The following TNN variants were observed in gnomAD, a reference collection of about 807,000 sequenced individuals.
TNN encodes the protein tenascin N.
A neutral mutation model predicts 134.4 loss-of-function variants in TNN; 122 were observed. The ratio of observed to expected loss-of-function variants is 0.91; its 90% CI spans 0.78 to 1.06. TNN has a LOEUF of 1.06. TNN is among the 50% of genes least tolerant of loss of function. The pLI, the probability that TNN is intolerant of heterozygous loss-of-function variation, is 0.00. For synonymous variants in TNN, 710 were observed against 670.3 expected (o/e 1.06, Z -0.91); for missense variants, 1,739 against 1,699.4 (o/e 1.02, Z -0.41).
At chr1:175,128,250 T>C in intron 14 of TNN, 86 bp downstream of exon 14, 2 of 1,265,076 alleles carry the variant, frequency 1.6e-6, no homozygotes, top group Non-Finnish European at 2.2e-6. Flanking sequence ...GAGGAGCAAG[T>C]GGATGCAGAA....
At chr1:175,117,839 A>G (rs1249014917) in intron 10 of TNN, among the ~76,000 whole-genome samples, 1 of 152,204 alleles carries the variant, frequency 6.6e-6, no homozygotes, top group East Asian at 1.9e-4. Flanking sequence ...TGAATAGCAG[A>G]GTGTACGTTG....
At chr1:175,097,316 T>G in intron 7 of TNN, 101 bp from the exon 8 acceptor site, 1 of 1,453,426 alleles carries the variant, frequency 6.9e-7, no homozygotes, top group Non-Finnish European at 9.4e-7. Context: ...TATTAGAGAC[T>G]CTGACATTTG....
rs373372907 is a variant in TNN at position 175,108,151 on chromosome 1, G to C, written c.2120-8788G>C. ...CCTCACCAGAGCAGCTAGATACGGA[G>C]TGTTGATTGGTGCACTCACAAACCT... On this transcript the variant is annotated intron_variant, in intron 9 of 18. Transcript: ENST00000239462. Among the ~76,000 whole-genome samples, 39 of 152,172 alleles carry C rather than the reference G, an allele frequency of 2.6e-4. No individual in the cohort carries two copies. In the South Asian group the frequency reaches 8.1e-3, roughly 32 times the overall value.
intron 18 of TNN, 119 bp downstream of exon 18, chr1:175,144,669 T>G: frequency 9.0e-7 from 1 of 1,111,930 alleles, no homozygotes; most frequent in Non-Finnish European, 1.3e-6. Context: ...GTCAAAGCAG[T>G]AGAGCTTCTC....
intron 15 of TNN, among the ~76,000 whole-genome samples, chr1:175,129,376 C>A (rs1675619864): frequency 6.6e-6 from 1 of 151,944 alleles, no homozygotes; most frequent in African/African-American, 2.4e-5. Flanking sequence ...CCAGCAAGTC[C>A]CAGCCTCATT....
chr1:175,105,750 T>C (rs1674833724), intron 9 of TNN, among the ~76,000 whole-genome samples: 1 of 145,344 alleles, frequency 6.9e-6, no homozygotes, highest in African/African-American at 2.5e-5. Context: ...TCCCAATGGC[T>C]TAGGATGCAT....
chr1:175,134,943 T>A (rs1434943731), intron 15 of TNN, among the ~76,000 whole-genome samples: 1 of 152,184 alleles, frequency 6.6e-6, no homozygotes, highest in Non-Finnish European at 1.5e-5. Context: ...TCCAGCGCTC[T>A]TACCTGGACC....
At chr1:175,142,527 G>A (rs1014368570) in intron 17 of TNN, among the ~76,000 whole-genome samples, 1 of 152,236 alleles carries the variant, frequency 6.6e-6, no homozygotes, top group East Asian at 1.9e-4. Context: ...ATCATCGGAA[G>A]GGCTTGTCAA....
chr1:175,103,349 T>C (rs1010694765), intron 9 of TNN, among the ~76,000 whole-genome samples: 2 of 146,398 alleles, frequency 1.4e-5, no homozygotes, highest in Non-Finnish European at 3.0e-5. Flanking sequence ...GAAGGTGTAG[T>C]GTCCTCCTTT....
chr1:175,131,917 T>TACTCACACAC (rs752118880), intron 15 of TNN, among the ~76,000 whole-genome samples: 4 of 136,338 alleles, frequency 2.9e-5, no homozygotes, highest in African/African-American at 1.1e-4. Flanking sequence ...GAAGTATTAT[T>TACTCACACAC]ACACACACAC....
At chr1:175,119,627 G>GC (rs1675291139) in intron 11 of TNN, among the ~76,000 whole-genome samples, 1 of 132,692 alleles carries the variant, frequency 7.5e-6, no homozygotes, top group African/African-American at 3.0e-5. Flanking sequence ...TCCCATGAAT[G>GC]CCTTTTTTTT....
At chr1:175,081,344 G>A (rs906855770) in intron 4 of TNN, among the ~76,000 whole-genome samples, 26 of 152,212 alleles carry the variant, frequency 1.7e-4, no homozygotes, top group African/African-American at 5.1e-4. Context: ...TTGGAGAAAC[G>A]TAGTTGGTTG....
chr1:175,079,701 G>A lies in TNN; in HGVS notation c.778G>A (p.Ala260Thr). Residue 260 changes from alanine to threonine, a missense_variant, in exon 3 of 19, where the codon GCC (alanine) becomes ACC (threonine). Coordinates refer to ENST00000239462, the MANE Select transcript of TNN (RefSeq NM_022093.2). ...GGAGGGCTTCACAGGCCTGGACTGT[G>A]CCCAGGGTGAGAGCGGAGATGTGCC... The part of the protein sequence containing the change: ...CEEGFTGLDC[A>T]QVVTPQGLQL... The A allele has an allele frequency of 1.9e-6, 3 of 1,591,964 alleles. No individual in the cohort carries two copies. Among genetic ancestry groups the A allele is most frequent in the Non-Finnish European group, 2.6e-6 (3 of 1,166,618 alleles).
chr1:175,069,831 A>G (rs1345613492), intron 1 of TNN, among the ~76,000 whole-genome samples: 1 of 152,208 alleles, frequency 6.6e-6, no homozygotes. Flanking sequence ...AACAGTGCAA[A>G]TGCTTGGAAA....
At chr1:175,082,146 T>C (rs1321491561) in intron 4 of TNN, among the ~76,000 whole-genome samples, 13 of 152,184 alleles carry the variant, frequency 8.5e-5, no homozygotes, top group South Asian at 2.1e-4. Context: ...AGAGTCTGCT[T>C]TTCTCTTTTT....
chr1:175,137,196 G>A (rs930597110), intron 17 of TNN, among the ~76,000 whole-genome samples: 19 of 152,074 alleles, frequency 1.2e-4, no homozygotes, highest in African/African-American at 4.3e-4. Flanking sequence ...TTGGAATTTT[G>A]TATGTTATAT....
intron 4 of TNN, among the ~76,000 whole-genome samples, chr1:175,080,826 A>G (rs1352313681): frequency 1.3e-5 from 2 of 152,236 alleles, no homozygotes; most frequent in Admixed American, 6.5e-5. Flanking sequence ...TGGGAAAGAC[A>G]GGACACAAAT....
chr1:175,089,110 A>G (rs1315476720), intron 6 of TNN, among the ~76,000 whole-genome samples: 1 of 152,244 alleles, frequency 6.6e-6, no homozygotes, highest in Non-Finnish European at 1.5e-5. Context: ...AGAAAAAGAC[A>G]CTGTAATTTA....
At chr1:175,117,314 A>G in intron 10 of TNN, 109 bp downstream of exon 10, 2 of 1,553,466 alleles carry the variant, frequency 1.3e-6, no homozygotes, top group Non-Finnish European at 1.7e-6. Flanking sequence ...TTAATGGAAG[A>G]GTGGGATGGC....
Sources: gnomAD v4.1 joint callset for allele counts (sites outside exome capture counted in the v4.1 genomes callset) on GRCh38, gnomAD v4.1.1 for gene constraint, MANE v1.5 for transcripts, NCBI Gene and HGNC (gene_info 2026-07-23, HGNC 2026-07-21) for gene names.